Variants in CNTN4 observed in about 807,000 individuals in gnomAD.
The protein encoded by CNTN4 is contactin-4.
CNTN4 carries 77 observed loss-of-function variants against 122.5 expected under a neutral mutation model. That is an observed-to-expected ratio of 0.63 (90% CI 0.52 to 0.76). CNTN4 has a LOEUF of 0.76. CNTN4 is among the 30% of genes least tolerant of loss of function. The pLI, the probability that CNTN4 is intolerant of heterozygous loss-of-function variation, is 0.00. For synonymous variants in CNTN4, 512 were observed against 447.0 expected, an observed-to-expected ratio of 1.15 and a Z score of -1.83; for missense variants, 1,256 against 1,259.1, an observed-to-expected ratio of 1.00 and a Z score of 0.04.
At chr3:2,778,213 CAAATAAATAAATAAAT>C (rs60613605) in intron 6 of CNTN4, among the ~76,000 whole-genome samples, 4 of 118,956 alleles carry the variant, frequency 3.4e-5, no homozygotes, top group African/African-American at 6.1e-5. Flanking sequence ...GACTCCGTCT[CAAATAAATAAATAAAT>C]AAATAAATAA....
intron 4 of CNTN4, among the ~76,000 whole-genome samples, chr3:2,640,743 A>G (rs182647182): frequency 1.1e-4 from 16 of 152,336 alleles, no homozygotes; most frequent in Admixed American, 3.3e-4. Context: ...TAACATCACT[A>G]TTCAAGCCTT....
chr3:2,174,252 A>C (rs901356349), intron 2 of CNTN4, among the ~76,000 whole-genome samples: 15 of 152,178 alleles, frequency 9.9e-5, no homozygotes, highest in African/African-American at 3.4e-4. Flanking sequence ...GTAAAATTGT[A>C]ATACCCCTAG....
At chr3:2,943,530 C>A (rs1359746288) in intron 13 of CNTN4, among the ~76,000 whole-genome samples, 1 of 150,394 alleles carries the variant, frequency 6.6e-6, no homozygotes, top group Admixed American at 6.6e-5. Flanking sequence ...TTAGTGAATA[C>A]TTGGTTATAG....
At position 3,042,899 on chromosome 3, in the gene CNTN4, G is replaced by A. The variant is rs565670978; in HGVS notation, c.2512-78G>A. 1.9e-5 allele frequency: 22 copies of A among 1,162,880 alleles called. No individual in the cohort carries two copies. The African/African-American group carries it at 2.3e-4, about 12-fold the overall frequency. The allele number at this position is 1,162,880 out of a possible 1,614,324, so 72.0% of individuals were successfully genotyped here. The stretch of plus-strand genomic sequence containing the variant: ...AAAACTAACTCCATCATAAGAATCT[G>A]CGTACAAAATTACCTGATGACATTG... On this transcript the variant is annotated intron_variant, in intron 21 of 24. Coordinates refer to ENST00000418658, the MANE Select transcript of CNTN4 (RefSeq NM_175607.3).
intron 3 of CNTN4, among the ~76,000 whole-genome samples, chr3:2,493,785 A>T (rs1365454701): frequency 6.6e-6 from 1 of 152,052 alleles, no homozygotes; most frequent in African/African-American, 2.4e-5. Flanking sequence ...TTATGGGGAG[A>T]CTTCAGAGAT....
At chr3:2,586,580 C>T (rs1056061750) in intron 4 of CNTN4, among the ~76,000 whole-genome samples, 2 of 152,196 alleles carry the variant, frequency 1.3e-5, no homozygotes, top group South Asian at 2.1e-4. Flanking sequence ...CGTGAGCCAC[C>T]GCCTGCACCC....
intron 3 of CNTN4, among the ~76,000 whole-genome samples, chr3:2,398,240 T>A (rs950860026): frequency 7.2e-5 from 11 of 152,108 alleles, no homozygotes; most frequent in Admixed American, 2.0e-4. Context: ...AAAAGTTTCC[T>A]GAAATAAATA....
intron 12 of CNTN4, among the ~76,000 whole-genome samples, chr3:2,906,187 C>A (rs191300941): frequency 6.6e-6 from 1 of 150,658 alleles, no homozygotes; most frequent in African/African-American, 2.4e-5. Flanking sequence ...GGGGAATCGG[C>A]GGGGGAGGGT....
intron 3 of CNTN4, among the ~76,000 whole-genome samples, chr3:2,475,693 C>G (rs921228548): frequency 7.9e-5 from 12 of 151,986 alleles, no homozygotes; most frequent in Non-Finnish European, 1.8e-4. Context: ...GATGCACTTG[C>G]CTGCCCTATA....
chr3:2,391,704 G>T (rs923291412), intron 3 of CNTN4, among the ~76,000 whole-genome samples: 16 of 152,138 alleles, frequency 1.1e-4, no homozygotes, highest in African/African-American at 3.6e-4. Context: ...CAAAAGCTTT[G>T]CATTGGAAAT....
chr3:2,441,290 A>G (rs2048429734), intron 3 of CNTN4, among the ~76,000 whole-genome samples: 1 of 152,226 alleles, frequency 6.6e-6, no homozygotes, highest in Non-Finnish European at 1.5e-5. Context: ...ATGCAGTAAT[A>G]AGCACATGTA....
At chr3:2,528,907 A>T (rs542066660) in intron 3 of CNTN4, among the ~76,000 whole-genome samples, 1 of 152,268 alleles carries the variant, frequency 6.6e-6, no homozygotes, top group Admixed American at 6.5e-5. Flanking sequence ...AGTTAGGTTA[A>T]TGAGCATATC....
At chr3:2,573,108 G>T (rs185977895) in intron 4 of CNTN4, among the ~76,000 whole-genome samples, 13 of 152,142 alleles carry the variant, frequency 8.5e-5, no homozygotes, top group Non-Finnish European at 1.6e-4. Context: ...GATGTAAACC[G>T]AAGCCGACTA....
chr3:2,473,245 A>C (rs1383634358), intron 3 of CNTN4, among the ~76,000 whole-genome samples: 1 of 115,144 alleles, frequency 8.7e-6, no homozygotes, highest in Admixed American at 8.3e-5. Flanking sequence ...AAAAAAAAAA[A>C]AAAAAAACAC....
intron 4 of CNTN4, among the ~76,000 whole-genome samples, chr3:2,591,639 C>CTTTTG (rs2080496722): frequency 1.9e-5 from 1 of 51,694 alleles, no homozygotes; most frequent in African/African-American, 6.5e-5. Context: ...GCTGGGATTA[C>CTTTTG]AGGCGTGAGC....
chr3:2,908,548 G>A lies in CNTN4; in HGVS notation c.1207+5543G>A, dbSNP rs1192054304. On this transcript the variant is annotated intron_variant, in intron 12 of 24. Coordinates refer to ENST00000418658, the MANE Select transcript of CNTN4 (RefSeq NM_175607.3). ...TAAAGTCTAGCCTAAGTCTAATCCA[G>A]AAGGGAGATTTCTGGAACATAAACT... Among the ~76,000 whole-genome samples, 6 of 152,266 alleles carry A rather than the reference G, an allele frequency of 3.9e-5. No individual in the cohort carries two copies. In the South Asian group the frequency reaches 1.2e-3, roughly 32 times the overall value.
intron 6 of CNTN4, among the ~76,000 whole-genome samples, chr3:2,811,709 G>A (rs1312249717): frequency 6.6e-6 from 1 of 151,974 alleles, no homozygotes; most frequent in Non-Finnish European, 1.5e-5. Flanking sequence ...CTGTCACCCA[G>A]GCTGTAGTGC....
At chr3:2,637,656 G>C (rs2082721306) in intron 4 of CNTN4, among the ~76,000 whole-genome samples, 1 of 152,038 alleles carries the variant, frequency 6.6e-6, no homozygotes, top group Admixed American at 6.6e-5. Flanking sequence ...TCATCCTCTT[G>C]ATTATTACTG....
At chr3:2,648,549 C>T (rs754657421) in intron 4 of CNTN4, among the ~76,000 whole-genome samples, 5 of 152,096 alleles carry the variant, frequency 3.3e-5, no homozygotes, top group African/African-American at 9.7e-5. Flanking sequence ...CCATATAAGA[C>T]GAAGAACTTA....
Sources: gnomAD v4.1 joint callset for allele counts (sites outside exome capture counted in the v4.1 genomes callset) on GRCh38, gnomAD v4.1.1 for gene constraint, MANE v1.5 for transcripts, NCBI Gene and HGNC (gene_info 2026-07-23, HGNC 2026-07-21) for gene names.